Variants in IPO7 observed in about 807,000 individuals in gnomAD.
IPO7 encodes importin 7.
A neutral mutation model predicts 136.4 loss-of-function variants in IPO7; 13 were observed. The observed-to-expected ratio is 0.10, with a 90% CI of 0.06 to 0.15. The LOEUF (loss-of-function observed/expected upper bound fraction) is 0.15, where lower values mean the gene tolerates loss of function less well. IPO7 is among the 10% of genes least tolerant of loss of function. The pLI, the probability that IPO7 is intolerant of heterozygous loss-of-function variation, is 1.00. For missense variants in IPO7, 857 were observed against 1,240.6 expected (o/e 0.69, Z 4.65); for synonymous variants, 403 against 404.4 (o/e 1.00, Z 0.04).
At position 9,429,646 on chromosome 11, in the gene IPO7, C is replaced by T. The variant is rs142726141; in HGVS notation, c.1592-28C>T. 3.4e-4 allele frequency: 541 copies of T among 1,579,138 alleles called. 8 individuals are homozygous for T. In the East Asian group the frequency reaches 0.01, roughly 30 times the overall value. On this transcript the variant is annotated intron_variant, in intron 14 of 24. Transcript: ENST00000379719. ...GTTTTAAGAAGTTTTAGGGGTTTTA[C>T]GCAAGTTTTTTACTCTTTCTCTTAC...
intron 22 of IPO7, among the ~76,000 whole-genome samples, chr11:9,439,843 GATTAC>G (rs1855436678): frequency 6.6e-6 from 1 of 152,146 alleles, no homozygotes; most frequent in African/African-American, 2.4e-5. Context: ...AAAGTGTTGG[GATTAC>G]AGGCGTGAGC....
intron 2 of IPO7, 122 bp downstream of exon 2, chr11:9,403,493 C>A: frequency 1.5e-6 from 1 of 670,636 alleles, no homozygotes; most frequent in Non-Finnish European, 2.6e-6. Context: ...ATTTGTTTAC[C>A]TTCAGTGTTT....
At chr11:9,393,427 T>TG (rs1854664184) in intron 1 of IPO7, among the ~76,000 whole-genome samples, 1 of 152,252 alleles carries the variant, frequency 6.6e-6, no homozygotes, top group South Asian at 2.1e-4. Flanking sequence ...TTGCCCAGGC[T>TG]GGAGTGCAGT....
chr11:9,408,637 C>G lies in IPO7; in HGVS notation c.318C>G (p.Ile106Met). 1 of 1,561,334 alleles carries G rather than the reference C, an allele frequency of 6.4e-7. No individual in the cohort carries two copies. The highest frequency in any genetic ancestry group is 8.6e-7 in the Non-Finnish European group (1 of 1,157,166). The change falls in exon 3 of 25, where the codon ATC (isoleucine) becomes ATG (methionine). Residue 106 changes from isoleucine to methionine, a missense_variant and splice_region_variant. Coordinates refer to ENST00000379719, the MANE Select transcript of IPO7 (RefSeq NM_006391.3). The part of the protein sequence containing the change: ...VEAIIHSPEL[I>M]RVQLTTCIHH... ...CCATTATCCATTCTCCTGAGCTCAT[C>G]AGGTATGTATTTTTAAAATTTACCC...
At chr11:9,444,951 GC>G (rs1455762551) in intron 24 of IPO7, 145 bp from the exon 25 acceptor site, 3 of 613,868 alleles carry the variant, frequency 4.9e-6, no homozygotes, top group Non-Finnish European at 8.8e-6. Context: ...ATGCTCCCTT[GC>G]CCTTATACAT....
chr11:9,433,335 T>C (rs572942773), intron 16 of IPO7: 49 of 492,746 alleles, frequency 9.9e-5, no homozygotes, highest in East Asian at 5.6e-4. Context: ...TGTTGTTTTT[T>C]CCTTTTTAGG....
chr11:9,404,604 T>C lies in IPO7; in HGVS notation c.166+1233T>C, dbSNP rs1353774163. Among the ~76,000 whole-genome samples, 8 of 142,688 alleles carry C rather than the reference T, an allele frequency of 5.6e-5. No individual in the cohort carries two copies. The East Asian group carries it at 8.1e-4, about 14-fold the overall frequency. The allele number at this position is 142,688 out of a possible 152,430, so 93.6% of individuals were successfully genotyped here. A position where few individuals can be genotyped will look rare whatever the true frequency, so the allele number is the denominator to read the frequency against. On this transcript the variant is annotated intron_variant, in intron 2 of 24. Coordinates refer to ENST00000379719, the MANE Select transcript of IPO7 (RefSeq NM_006391.3). ...TTTTTGAGACGGAGTCTCGCTCTGT[T>C]GCCCAGGCTGTAGTGCGGTGGCGCG...
chr11:9,437,954 T>C lies in IPO7; in HGVS notation c.2469T>C (p.Asn823=). 2 of 1,613,276 alleles carry C rather than the reference T, an allele frequency of 1.2e-6. No individual in the cohort carries two copies. Among genetic ancestry groups the C allele is most frequent in the Non-Finnish European group, 1.7e-6 (2 of 1,179,380 alleles). The change falls in exon 21 of 25, where the codon AAT becomes AAC. Residue 823 remains asparagine, a synonymous_variant. Transcript: ENST00000379719. ...VTNHFITQWL[N]DVDCFLGLHD... is the part of the protein sequence containing the mutation. Reference sequence around the variant, plus strand: ...ATCATTTTATTACACAGTGGCTTAATGATGTTGACTGTTTCTTGGGGTAAG... The same window carrying C: ...ATCATTTTATTACACAGTGGCTTAACGATGTTGACTGTTTCTTGGGGTAAG...
intron 2 of IPO7, among the ~76,000 whole-genome samples, chr11:9,405,235 C>T (rs1320500413): frequency 3.9e-5 from 6 of 152,048 alleles, no homozygotes; most frequent in African/African-American, 7.2e-5. Flanking sequence ...AGTGCAGTGG[C>T]GCGATCTCGG....
At chr11:9,386,967 C>G (rs557559561) in intron 1 of IPO7, among the ~76,000 whole-genome samples, 1 of 152,222 alleles carries the variant, frequency 6.6e-6, no homozygotes, top group African/African-American at 2.4e-5. Flanking sequence ...AGTATATTTA[C>G]TTTCATTCCA....
At chr11:9,406,505 A>G (rs1854890292) in intron 2 of IPO7, among the ~76,000 whole-genome samples, 2 of 152,172 alleles carry the variant, frequency 1.3e-5, no homozygotes, top group African/African-American at 4.8e-5. Flanking sequence ...AAATTGTTTT[A>G]GTGTGTACAC....
intron 1 of IPO7, among the ~76,000 whole-genome samples, chr11:9,389,553 T>C (rs1316337366): frequency 6.6e-6 from 1 of 152,164 alleles, no homozygotes; most frequent in Non-Finnish European, 1.5e-5. Flanking sequence ...GTCAGTACTA[T>C]AATAAAGCTA....
intron 1 of IPO7, among the ~76,000 whole-genome samples, chr11:9,400,569 C>T (rs566013492): frequency 4.6e-5 from 7 of 152,110 alleles, no homozygotes; most frequent in Admixed American, 2.6e-4. Context: ...ACTACAGGCG[C>T]CTGCCACCTC....
rs71062846 is a variant in IPO7 at position 9,402,399 on chromosome 11, C to CAAAAAAAAAAAAAAAAA, written c.85-879_85-863dup. Among the ~76,000 whole-genome samples the CAAAAAAAAAAAAAAAAA allele has an allele frequency of 4.2e-4, 19 of 44,898 alleles. 1 individual carries two copies. Among genetic ancestry groups the CAAAAAAAAAAAAAAAAA allele is most frequent in the African/African-American group, 2.0e-3 (17 of 8,350 alleles). The allele number at this position is 44,898 out of a possible 152,430, so 29.5% of individuals were successfully genotyped here. A position where few individuals can be genotyped will look rare whatever the true frequency, so the allele number is the denominator to read the frequency against. ...CAGGCGACAGAGCGAGACTGTGTCT[C>CAAAAAAAAAAAAAAAAA]AAAAAAAAAAAAAAAAAAAAAAAAA... On this transcript the variant is annotated intron_variant, in intron 1 of 24. Transcript: ENST00000379719.
intron 1 of IPO7, among the ~76,000 whole-genome samples, chr11:9,388,049 A>T (rs2133714710): frequency 6.6e-6 from 1 of 150,970 alleles, no homozygotes; most frequent in Admixed American, 6.6e-5. Context: ...AGGGAGGCTG[A>T]GGCAGGAGAA....
At chr11:9,424,508 C>T (rs1855175973) in intron 10 of IPO7, among the ~76,000 whole-genome samples, 1 of 152,178 alleles carries the variant, frequency 6.6e-6, no homozygotes, top group Admixed American at 6.5e-5. Context: ...TGTTGGGAGG[C>T]CGAGGCAGGC....
At chr11:9,425,037 T>G (rs377566862) in intron 11 of IPO7, 47 bp downstream of exon 11, 3 of 1,370,678 alleles carry the variant, frequency 2.2e-6, no homozygotes, top group Non-Finnish European at 3.1e-6. Flanking sequence ...TATTTAAAAT[T>G]TATTCAACTA....
In IPO7 at chr11:9,441,807, A is replaced by G. The variant is rs1395650658; in HGVS notation, c.2903-274A>G. Among the ~76,000 whole-genome samples, 6 of 152,228 alleles carry G rather than the reference A, an allele frequency of 3.9e-5. No homozygotes were observed. The East Asian group carries it at 9.6e-4, about 24-fold the overall frequency. ...AAGTCTCCCTGGTTTGTTACTTACT[A>G]TATAAGAACTAGTTAGGCTGAGTCC... On this transcript the variant is annotated intron_variant, in intron 23 of 24. Transcript: ENST00000379719.
chr11:9,439,448 G>A (rs1283353826), intron 22 of IPO7, among the ~76,000 whole-genome samples: 1 of 151,896 alleles, frequency 6.6e-6, no homozygotes. Flanking sequence ...AAAGTTGTGG[G>A]GATTACATGA....
Sources: allele counts gnomAD v4.1 joint callset (sites outside exome capture counted in the v4.1 genomes callset), GRCh38; gene constraint gnomAD v4.1.1; transcripts MANE v1.5; gene names NCBI Gene and HGNC (gene_info 2026-07-23, HGNC 2026-07-21).